NCALD: variants seen among roughly 807,000 people sequenced by gnomAD.
NCALD encodes neurocalcin-delta.
NCALD carries 10 observed loss-of-function variants against 18.6 expected under a neutral mutation model. The observed-to-expected ratio is 0.54, with a 90% CI of 0.33 to 0.91. The LOEUF is 0.91. Among genes scored for constraint, NCALD ranks in the 40% least tolerant of loss-of-function variants. NCALD has a pLI of 0.03. For missense variants in NCALD, 184 were observed against 247.6 expected (o/e 0.74, Z 1.72); for synonymous variants, 88 against 87.4 (o/e 1.01, Z -0.04).
chr8:102,058,729 A>G (rs367986390), intron 1 of NCALD, among the ~76,000 whole-genome samples: 10 of 152,232 alleles, frequency 6.6e-5, no homozygotes, highest in African/African-American at 2.4e-4. Context: ...CCCATGGCCT[A>G]ATTCTCAGAA....
intron 1 of NCALD, among the ~76,000 whole-genome samples, chr8:102,036,882 T>C (rs1320215586): frequency 1.3e-5 from 2 of 152,128 alleles, no homozygotes; most frequent in East Asian, 3.8e-4. Context: ...TGGTCAACAT[T>C]TTATAAGATT....
At chr8:101,728,586 C>T (rs997941999) in intron 1 of NCALD, among the ~76,000 whole-genome samples, 26 of 152,092 alleles carry the variant, frequency 1.7e-4, no homozygotes, top group Admixed American at 5.2e-4. Flanking sequence ...TTTGGGAGGC[C>T]GAGGTGGGCA....
At chr8:101,988,630 A>T (rs1820918549) in intron 2 of NCALD, among the ~76,000 whole-genome samples, 1 of 152,206 alleles carries the variant, frequency 6.6e-6, no homozygotes, top group East Asian at 1.9e-4. Flanking sequence ...TGTTGTCGTT[A>T]TCTGTGGTAG....
chr8:101,744,859 A>C (rs1810361990), intron 1 of NCALD, among the ~76,000 whole-genome samples: 1 of 152,202 alleles, frequency 6.6e-6, no homozygotes, highest in Non-Finnish European at 1.5e-5. Flanking sequence ...TGGAAAGCCA[A>C]GGGATCAATA....
At chr8:101,732,384 A>C (rs1229258924) in intron 1 of NCALD, among the ~76,000 whole-genome samples, 1 of 152,072 alleles carries the variant, frequency 6.6e-6, no homozygotes, top group Admixed American at 6.6e-5. Context: ...AGAGGCCACA[A>C]ATTCATTCGG....
At chr8:102,050,168 C>CAAAAAAAAAAAAAAAAAAAAAAAA (rs71268541) in intron 1 of NCALD, among the ~76,000 whole-genome samples, 5 of 44,702 alleles carry the variant, frequency 1.1e-4, no homozygotes, top group African/African-American at 3.1e-4. Context: ...GACTCCGTCT[C>CAAAAAAAAAAAAAAAAAAAAAAAA]AAAAAAAAAA....
At chr8:101,794,907 A>T (rs560356434), upstream of NCALD, among the ~76,000 whole-genome samples, 15 of 152,268 alleles carry the variant, frequency 9.9e-5, no homozygotes, top group East Asian at 9.6e-4. Flanking sequence ...TTATTTTTAA[A>T]TTTTTTGTGA....
chr8:102,067,448 AACACAC>A (rs59878811), intron 1 of NCALD, among the ~76,000 whole-genome samples: 7 of 150,784 alleles, frequency 4.6e-5, no homozygotes, highest in African/African-American at 7.3e-5. Context: ...TCTTGTCCCA[AACACAC>A]ACACACACAC....
intron 3 of NCALD, chr8:101,887,346 AAC>A (rs1193766735): frequency 6.6e-6 from 1 of 152,208 alleles, no homozygotes; most frequent in East Asian, 1.9e-4. Flanking sequence ...GGAAACAGGA[AAC>A]ACACCTACAA....
At chr8:101,761,371 C>T (rs529097950) in intron 1 of NCALD, among the ~76,000 whole-genome samples, 19 of 152,290 alleles carry the variant, frequency 1.2e-4, no homozygotes, top group African/African-American at 4.3e-4. Context: ...AGCAGCCTCC[C>T]CCAGCTTAGA....
At chr8:102,008,367 T>G (rs1821781631) in intron 2 of NCALD, among the ~76,000 whole-genome samples, 1 of 151,788 alleles carries the variant, frequency 6.6e-6, no homozygotes, top group Non-Finnish European at 1.5e-5. Context: ...GGTCTGCCAC[T>G]GGTAAGAACT....
At chr8:102,016,268 G>A (rs1257371040) in intron 2 of NCALD, among the ~76,000 whole-genome samples, 2 of 152,086 alleles carry the variant, frequency 1.3e-5, no homozygotes, top group Non-Finnish European at 2.9e-5. Flanking sequence ...CAGATACAAG[G>A]CAAAGGTTGG....
intron 2 of NCALD, among the ~76,000 whole-genome samples, chr8:101,951,195 A>C (rs1819404282): frequency 6.6e-6 from 1 of 152,260 alleles, no homozygotes; most frequent in Non-Finnish European, 1.5e-5. Flanking sequence ...GAGGCTAGAA[A>C]AAACGATGAG....
chr8:101,784,066 T>C (rs896948276), intron 1 of NCALD, among the ~76,000 whole-genome samples: 4 of 152,102 alleles, frequency 2.6e-5, no homozygotes, highest in Non-Finnish European at 1.5e-5. Context: ...GTAACAACTT[T>C]TATTTTGTCC....
chr8:102,004,733 A>G (rs1472502534), intron 2 of NCALD, among the ~76,000 whole-genome samples: 1 of 152,130 alleles, frequency 6.6e-6, no homozygotes, highest in Non-Finnish European at 1.5e-5. Context: ...CCACATATCT[A>G]CAACTATCTG....
intron 4 of NCALD, among the ~76,000 whole-genome samples, chr8:101,882,660 T>A (rs1267441987): frequency 2.0e-5 from 3 of 152,210 alleles, no homozygotes; most frequent in Admixed American, 6.5e-5. Flanking sequence ...TTAAAACAGA[T>A]AATTATTATG....
chr8:102,036,643 T>C (rs1349621522), intron 1 of NCALD, among the ~76,000 whole-genome samples: 1 of 151,868 alleles, frequency 6.6e-6, no homozygotes, highest in Non-Finnish European at 1.5e-5. Context: ...GGCGTGGTGG[T>C]GCATACCTGT....
intron 1 of NCALD, among the ~76,000 whole-genome samples, chr8:101,735,507 T>C (rs191639931): frequency 1.3e-5 from 2 of 152,288 alleles, no homozygotes; most frequent in Non-Finnish European, 2.9e-5. Context: ...TAAGGGCTCA[T>C]TAAAGTTGTC....
At chr8:101,690,926 C>T (rs996957975) in intron 3 of NCALD, 8 of 985,244 alleles carry the variant, frequency 8.1e-6, no homozygotes, top group African/African-American at 1.7e-5. Flanking sequence ...ACCTGGAGCT[C>T]GGCATGACGT....
Sources: gnomAD v4.1 joint callset for allele counts (sites outside exome capture counted in the v4.1 genomes callset) on GRCh38, gnomAD v4.1.1 for gene constraint, MANE v1.5 for transcripts, NCBI Gene and HGNC (gene_info 2026-07-23, HGNC 2026-07-21) for gene names.